IL1RAPL2: variants seen among roughly 807,000 people sequenced by gnomAD.
IL1RAPL2 encodes X-linked interleukin-1 receptor accessory protein-like 2.
In IL1RAPL2, 3 loss-of-function variants were observed where a neutral mutation model predicts 44.1. The observed-to-expected ratio is 0.07, with a 90% CI of 0.03 to 0.18. IL1RAPL2 has a LOEUF of 0.18. Ranked by LOEUF, IL1RAPL2 falls within the 10% of genes least tolerant of loss-of-function variation. The probability of loss-of-function intolerance (pLI) is 1.00; values close to 1 mark genes in which losing one functional copy is unlikely to be tolerated. For synonymous variants in IL1RAPL2, 181 were observed against 178.8 expected (o/e 1.01, Z -0.10); for missense variants, 391 against 496.4 (o/e 0.79, Z 2.02).
At chrX:105,628,797 G>A (rs756840152) in intron 6 of IL1RAPL2, among the ~76,000 whole-genome samples, 1 of 111,385 alleles carries the variant, frequency 9.0e-6, no homozygotes, top group South Asian at 3.8e-4. Flanking sequence ...AGAAAAATTA[G>A]TTGGGCGTGG....
intron 2 of IL1RAPL2, among the ~76,000 whole-genome samples, chrX:104,976,233 A>C (rs1468982060): frequency 9.0e-6 from 1 of 111,468 alleles, no homozygotes; most frequent in African/African-American, 3.3e-5. Context: ...CCTAGTGGTC[A>C]GTCCTCTGGG....
chrX:104,653,008 G>A (rs1930180900), intron 1 of IL1RAPL2, among the ~76,000 whole-genome samples: 1 of 110,319 alleles, frequency 9.1e-6, no homozygotes, highest in Non-Finnish European at 1.9e-5. Context: ...AAAGGGAGAG[G>A]AAAAAGACAG....
chrX:104,889,409 A>C (rs1166397839), intron 2 of IL1RAPL2, among the ~76,000 whole-genome samples: 2 of 112,031 alleles, frequency 1.8e-5, no homozygotes, highest in East Asian at 2.8e-4. Context: ...GTAGTCTAGG[A>C]GTATGGGAAA....
rs904873887 is a variant in IL1RAPL2, at chrX:105,679,991, A to ATTTC, written c.773-37364_773-37361dup. Reference sequence around the variant, plus strand: ...CAATAGTATCTACAAATGTGGGTGAATTTCTTTCTTTCTTTTTTTAATTTT... The same window carrying ATTTC: ...CAATAGTATCTACAAATGTGGGTGAATTTCTTTCTTTCTTTCTTTTTTTAATTTT... On this transcript the variant is annotated intron_variant, in intron 6 of 10. Coordinates refer to ENST00000372582, the MANE Select transcript of IL1RAPL2 (RefSeq NM_017416.2). Among the ~76,000 whole-genome samples, 4 of 110,471 alleles carry ATTTC rather than the reference A, an allele frequency of 3.6e-5. No homozygotes were observed. In the South Asian group the frequency reaches 1.2e-3, roughly 32 times the overall value.
intron 2 of IL1RAPL2, among the ~76,000 whole-genome samples, chrX:105,102,455 T>G: frequency 8.9e-6 from 1 of 112,176 alleles, no homozygotes; most frequent in Middle Eastern, 4.7e-3. Context: ...ACTTACTAGT[T>G]ATTTAGCCAC....
intron 7 of IL1RAPL2, among the ~76,000 whole-genome samples, chrX:105,722,857 T>A (rs1352232787): frequency 1.8e-5 from 2 of 111,166 alleles, no homozygotes; most frequent in African/African-American, 6.5e-5. Context: ...GGGGTAGCCC[T>A]GAAAATCTCT....
intron 2 of IL1RAPL2, among the ~76,000 whole-genome samples, chrX:105,002,215 G>T (rs1168436248): frequency 9.0e-6 from 1 of 111,160 alleles, no homozygotes; most frequent in African/African-American, 3.3e-5. Context: ...TATACAAAAA[G>T]CATGGTAGAA....
At chrX:104,641,909 G>T (rs1929941896) in intron 1 of IL1RAPL2, among the ~76,000 whole-genome samples, 1 of 111,359 alleles carries the variant, frequency 9.0e-6, no homozygotes, top group Admixed American at 9.5e-5. Context: ...TTTTGTAGCT[G>T]CTTAGGTCTC....
At chrX:105,265,781 T>TAC (rs776377558) in intron 4 of IL1RAPL2, among the ~76,000 whole-genome samples, 3 of 110,406 alleles carry the variant, frequency 2.7e-5, no homozygotes, top group Admixed American at 9.7e-5. Context: ...TCAGATCACT[T>TAC]ACACACACAC....
intron 4 of IL1RAPL2, among the ~76,000 whole-genome samples, chrX:105,256,927 G>A (rs1289228851): frequency 9.0e-6 from 1 of 110,872 alleles, no homozygotes; most frequent in Non-Finnish European, 1.9e-5. Flanking sequence ...ATGGTTTTTT[G>A]TGTCTCAATT....
chrX:104,670,017 G>C (rs995666153), intron 2 of IL1RAPL2, among the ~76,000 whole-genome samples: 2 of 111,679 alleles, frequency 1.8e-5, no homozygotes, highest in Admixed American at 9.5e-5. Flanking sequence ...GTATTAGTCA[G>C]AGTTTTCCAG....
At chrX:105,497,908 G>A in intron 6 of IL1RAPL2, among the ~76,000 whole-genome samples, 1 of 111,654 alleles carries the variant, frequency 9.0e-6, no homozygotes, top group Non-Finnish European at 1.9e-5. Flanking sequence ...ACACTCAACA[G>A]AATGAAAGCC....
At chrX:105,006,429 C>T (rs191894543) in intron 2 of IL1RAPL2, among the ~76,000 whole-genome samples, 27 of 110,581 alleles carry the variant, frequency 2.4e-4, no homozygotes, top group Non-Finnish European at 4.6e-4. Flanking sequence ...ATATTACTAA[C>T]AACTTGTAGA....
chrX:105,080,719 A>G lies in IL1RAPL2; in HGVS notation c.83-114756A>G, dbSNP rs1244335272. On this transcript the variant is annotated intron_variant, in intron 2 of 10. Coordinates refer to ENST00000372582, the MANE Select transcript of IL1RAPL2 (RefSeq NM_017416.2). ...TATGCGGGCTCTTTTTTGGTTCCGT[A>G]GGAAATTGAAGTAGTTTTTTCCAAT... 2.7e-5 allele frequency among the ~76,000 whole-genome samples: 3 copies of G among 111,647 alleles called. No homozygotes were observed. In the Admixed American group the frequency reaches 2.9e-4, roughly 11 times the overall value.
At chrX:105,220,065 C>T (rs782552729) in intron 3 of IL1RAPL2, 50 of 1,210,576 alleles carry the variant, frequency 4.1e-5, no homozygotes, top group Middle Eastern at 2.3e-4. Flanking sequence ...TGAGCTTCTT[C>T]AGGTCTGATG....
At chrX:104,668,888 C>T (rs1602670782) in intron 2 of IL1RAPL2, among the ~76,000 whole-genome samples, 1 of 110,538 alleles carries the variant, frequency 9.0e-6, no homozygotes, top group Admixed American at 9.7e-5. Context: ...AAGCACCACC[C>T]CCACAACCAC....
chrX:104,601,235 C>T (rs1390542495), intron 1 of IL1RAPL2, among the ~76,000 whole-genome samples: 4 of 110,144 alleles, frequency 3.6e-5, no homozygotes, highest in African/African-American at 6.6e-5. Context: ...CCCATTAACT[C>T]GTCATTTACA....
rs878981545 is a variant in IL1RAPL2, at chrX:105,157,375, C to T, written c.83-38100C>T. Reference sequence around the variant, plus strand: ...TTGTATCTTCAGCTTACATATGGCCCAGAAAAGTTCTATCTTCAAGTCCCC... The same window carrying T: ...TTGTATCTTCAGCTTACATATGGCCTAGAAAAGTTCTATCTTCAAGTCCCC... On this transcript the variant is annotated intron_variant, in intron 2 of 10. Coordinates refer to ENST00000372582, the MANE Select transcript of IL1RAPL2 (RefSeq NM_017416.2). Among the ~76,000 whole-genome samples the T allele has an allele frequency of 1.3e-4, 15 of 111,465 alleles. No individual in the cohort carries two copies. The Admixed American group carries it at 1.4e-3, about 11-fold the overall frequency.
intron 2 of IL1RAPL2, among the ~76,000 whole-genome samples, chrX:105,043,762 G>C (rs1040156457): frequency 9.0e-6 from 1 of 110,624 alleles, no homozygotes; most frequent in Non-Finnish European, 1.9e-5. Flanking sequence ...ATGGTCAATT[G>C]TTACAAACTT....
Sources: gnomAD v4.1 joint callset for allele counts (sites outside exome capture counted in the v4.1 genomes callset) on GRCh38, gnomAD v4.1.1 for gene constraint, MANE v1.5 for transcripts, NCBI Gene and HGNC (gene_info 2026-07-23, HGNC 2026-07-21) for gene names.